TBCK: variants seen among roughly 807,000 people sequenced by gnomAD.
TBCK encodes TBC1 domain containing kinase.
A neutral mutation model predicts 113.4 loss-of-function variants in TBCK; 99 were observed. The observed-to-expected ratio is 0.87, with a 90% CI of 0.74 to 1.03. The LOEUF is 1.03. Among genes scored for constraint, TBCK ranks in the 50% least tolerant of loss-of-function variants. The pLI is 0.00. For missense variants in TBCK, 1,045 were observed against 1,061.3 expected (o/e 0.98, Z 0.21); for synonymous variants, 369 against 370.8 (o/e 1.00, Z 0.05).
chr4:106,116,460 C>T, intron 23 of TBCK, 82 bp from the exon 24 acceptor site: 1 of 1,106,754 alleles, frequency 9.0e-7, no homozygotes, highest in South Asian at 1.5e-5. Flanking sequence ...TATCTTGATA[C>T]CAAACAATAC....
intron 5 of TBCK, among the ~76,000 whole-genome samples, chr4:106,254,561 T>C (rs1761781973): frequency 6.6e-6 from 1 of 152,250 alleles, no homozygotes; most frequent in Non-Finnish European, 1.5e-5. Context: ...AATTAAACTT[T>C]TTTCCTTATA....
intron 23 of TBCK, 46 bp from the exon 24 acceptor site, chr4:106,116,424 A>C: frequency 6.9e-7 from 1 of 1,459,708 alleles, no homozygotes; most frequent in Non-Finnish European, 9.5e-7. Context: ...ATATTATAGA[A>C]AAACAAATTA....
chr4:106,295,272 A>G (rs986125764), intron 2 of TBCK, 106 bp from the exon 3 acceptor site: 5 of 841,450 alleles, frequency 5.9e-6, no homozygotes, highest in Non-Finnish European at 9.0e-6. Flanking sequence ...CCATAACAAT[A>G]TTTTAAAAGA....
At chr4:106,211,155 A>C (rs2149883437) in intron 20 of TBCK, among the ~76,000 whole-genome samples, 1 of 152,228 alleles carries the variant, frequency 6.6e-6, no homozygotes, top group Middle Eastern at 3.4e-3. Context: ...CCTTTACAAA[A>C]ATTTTTTGAA....
intron 6 of TBCK, among the ~76,000 whole-genome samples, chr4:106,250,726 T>G (rs1168531852): frequency 6.6e-6 from 1 of 151,722 alleles, no homozygotes; most frequent in Non-Finnish European, 1.5e-5. Flanking sequence ...TCTAGTTTGA[T>G]GTAAGCATTG....
At chr4:106,151,201 A>C (rs2149681637) in intron 23 of TBCK, among the ~76,000 whole-genome samples, 1 of 152,206 alleles carries the variant, frequency 6.6e-6, no homozygotes, top group Non-Finnish European at 1.5e-5. Flanking sequence ...TGTTACAAAA[A>C]ATCTAATTAT....
rs186090328 is a variant in TBCK, at chr4:106,043,519, T to C, written c.*3051A>G. 1.3e-5 allele frequency: 2 copies of C among 152,340 alleles called. No homozygotes were observed. The highest frequency in any genetic ancestry group is 1.9e-4 in the East Asian group (1 of 5,182). 9.4% of individuals were successfully genotyped at this position (152,340 alleles called of 1,614,324 possible). On this transcript the variant is annotated 3_prime_UTR_variant, in exon 26 of 26. Transcript: ENST00000394708. ...TGAAGGTAGCAAGAGGTATAAATTATAGCTCCTGATCTTAAGCAGCTCATA... is the reference window on the plus strand; with the variant it reads ...TGAAGGTAGCAAGAGGTATAAATTACAGCTCCTGATCTTAAGCAGCTCATA...
intron 23 of TBCK, among the ~76,000 whole-genome samples, chr4:106,137,231 AAG>A (rs1262165559): frequency 7.1e-6 from 1 of 140,968 alleles, no homozygotes; most frequent in African/African-American, 2.5e-5. Context: ...TTAAAGAAAA[AAG>A]AAAAAAAATT....
rs190843665 is a variant in TBCK, at chr4:106,077,933, T to C, written c.2571+17549A>G. 5.3e-5 allele frequency among the ~76,000 whole-genome samples: 8 copies of C among 152,268 alleles called. No homozygotes were observed. In the East Asian group the frequency reaches 7.7e-4, roughly 15 times the overall value. ...AGAAAGTTTCAACAAATTAAAAAAA[T>C]TGAAATCATACCAAACACATTCTCA... On this transcript the variant is annotated intron_variant, in intron 25 of 25. Coordinates refer to ENST00000394708, the MANE Select transcript of TBCK (RefSeq NM_001163435.3).
intron 3 of TBCK, among the ~76,000 whole-genome samples, chr4:106,278,558 CAAAAA>C (rs376599844): frequency 4.5e-5 from 1 of 22,134 alleles, no homozygotes; most frequent in South Asian, 2.8e-3. Context: ...AACTCTGTCT[CAAAAA>C]AAAAAAAAAA....
In TBCK at chr4:106,248,230, C is replaced by T. The variant is rs762803792; in HGVS notation, c.782+15G>A. ...AAGGATCTCAATGTAATCCCAATCT[C>T]TAAATAATATCAACCTCTTAGAAGG... On this transcript the variant is annotated intron_variant, in intron 9 of 25. Transcript: ENST00000394708. The T allele has an allele frequency of 6.4e-6, 10 of 1,562,352 alleles. No individual in the cohort carries two copies. The highest frequency in any genetic ancestry group is 5.8e-5 in the Admixed American group (3 of 51,692).
At chr4:106,316,551 C>A (rs1404102753), upstream of TBCK, 3 of 1,551,630 alleles carry the variant, frequency 1.9e-6, no homozygotes. Flanking sequence ...GACCTACATG[C>A]TTCCTGCTGT....
chr4:106,288,831 C>G (rs772201689), intron 3 of TBCK, among the ~76,000 whole-genome samples: 32 of 152,138 alleles, frequency 2.1e-4, no homozygotes, highest in Non-Finnish European at 3.8e-4. Flanking sequence ...GTAGAAAATT[C>G]CACACATAAG....
intron 1 of TBCK, among the ~76,000 whole-genome samples, chr4:106,313,903 A>G (rs1242959247): frequency 6.6e-6 from 1 of 152,218 alleles, no homozygotes; most frequent in Non-Finnish European, 1.5e-5. Context: ...CAACTACAGC[A>G]TATTTTGCCC....
chr4:106,260,097 G>A (rs1762363532), intron 5 of TBCK, among the ~76,000 whole-genome samples: 1 of 151,844 alleles, frequency 6.6e-6, no homozygotes, highest in African/African-American at 2.4e-5. Context: ...GTCTCTTGAT[G>A]CACACACATT....
At chr4:106,300,417 T>C (rs528455132) in intron 2 of TBCK, among the ~76,000 whole-genome samples, 1 of 152,278 alleles carries the variant, frequency 6.6e-6, no homozygotes, top group South Asian at 2.1e-4. Flanking sequence ...TGTTTAAATT[T>C]AGAGAAAGAG....
In TBCK at chr4:106,235,363, T is replaced by A. The variant is rs1425173967; in HGVS notation, c.1355A>T (p.Tyr452Phe). 1 of 1,599,034 alleles carries A rather than the reference T, an allele frequency of 6.3e-7. No individual in the cohort carries two copies. Among genetic ancestry groups the A allele is most frequent in the Admixed American group, 1.7e-5 (1 of 58,828 alleles). Residue 452 changes from tyrosine to phenylalanine, a missense_variant, in exon 15 of 26, where the codon TAT (tyrosine) becomes TTT (phenylalanine). Physicochemically the swap from Tyr to Phe is conservative, Grantham distance 22 (BLOSUM62 3). Transcript: ENST00000394708. ...CCAGATTTGGTTTTTTTTATATGGA[T>A]AAGCCTATGATATCAAAAAAGAAAT... ...IILFDRLLKAYPYKKNQIWKE... is the reference protein window; with the variant it reads ...IILFDRLLKAFPYKKNQIWKE...
At chr4:106,155,601 T>C (rs1445538548) in intron 23 of TBCK, among the ~76,000 whole-genome samples, 1 of 152,132 alleles carries the variant, frequency 6.6e-6, no homozygotes, top group Non-Finnish European at 1.5e-5. Context: ...CTCCTCTGAC[T>C]GTGTATTTTC....
At chr4:106,233,760 C>CAGATA (rs1202454080) in intron 15 of TBCK, 110 bp from the exon 16 acceptor site, 1 of 782,892 alleles carries the variant, frequency 1.3e-6, no homozygotes, top group African/African-American at 1.8e-5. Context: ...TACCCAACTA[C>CAGATA]AGATAAGCAC....
Sources: allele counts gnomAD v4.1 joint callset (sites outside exome capture counted in the v4.1 genomes callset), GRCh38; gene constraint gnomAD v4.1.1; transcripts MANE v1.5; gene names NCBI Gene and HGNC (gene_info 2026-07-23, HGNC 2026-07-21).